SNCAIP: variants seen among roughly 807,000 people sequenced by gnomAD.
SNCAIP encodes the protein synphilin-1.
Under a neutral mutation model 86.7 loss-of-function variants are expected in SNCAIP, and 43 were observed. The ratio of observed to expected loss-of-function variants is 0.50; its 90% CI spans 0.39 to 0.64. The LOEUF (loss-of-function observed/expected upper bound fraction) is 0.64, where lower values mean the gene tolerates loss of function less well. Ranked by LOEUF, SNCAIP falls within the 30% of genes least tolerant of loss-of-function variation. SNCAIP has a pLI of 0.00. For missense variants in SNCAIP, 981 were observed against 1,103.1 expected, an observed-to-expected ratio of 0.89 and a Z score of 1.57; for synonymous variants, 417 against 427.2, an observed-to-expected ratio of 0.98 and a Z score of 0.29.
chr5:122,457,163 C>T (rs1243467194), intron 10 of SNCAIP, among the ~76,000 whole-genome samples: 2 of 151,942 alleles, frequency 1.3e-5, no homozygotes, highest in African/African-American at 4.8e-5. Flanking sequence ...CACTACCACC[C>T]AGCTAATTTT....
chr5:122,437,582 A>G (rs183049248), intron 6 of SNCAIP, among the ~76,000 whole-genome samples: 17 of 152,340 alleles, frequency 1.1e-4, no homozygotes, highest in Admixed American at 5.2e-4. Flanking sequence ...TCCAACATAA[A>G]ACCCAAGACT....
intron 1 of SNCAIP, chr5:122,389,916 AT>A (rs1364282906): frequency 6.6e-6 from 1 of 152,138 alleles, no homozygotes; most frequent in Non-Finnish European, 1.5e-5. Flanking sequence ...TAATTATACC[AT>A]TTGCAGAGCT....
At chr5:122,421,850 A>G (rs897149390) in intron 3 of SNCAIP, among the ~76,000 whole-genome samples, 1 of 152,034 alleles carries the variant, frequency 6.6e-6, no homozygotes, top group Non-Finnish European at 1.5e-5. Context: ...TGCTTGCCTC[A>G]AGAGAAGGCA....
chr5:122,451,958 G>T (rs1055961610), intron 10 of SNCAIP, among the ~76,000 whole-genome samples: 1 of 152,206 alleles, frequency 6.6e-6, no homozygotes, highest in Non-Finnish European at 1.5e-5. Flanking sequence ...TCCTGCATTG[G>T]CATTGATTCT....
chr5:122,444,556 C>A lies in SNCAIP; in HGVS notation c.1423-7C>A, dbSNP rs746947695. 1 of 1,613,490 alleles carries A rather than the reference C, an allele frequency of 6.2e-7. No individual in the cohort carries two copies. The highest frequency in any genetic ancestry group is 2.2e-5 in the East Asian group (1 of 44,876). ...TCCTGATACACATGTCCTTCATTTTCTGACAGACCTTGGTTGAATATGGAG... is the reference window on the plus strand; with the variant it reads ...TCCTGATACACATGTCCTTCATTTTATGACAGACCTTGGTTGAATATGGAG... On this transcript the variant is annotated splice_polypyrimidine_tract_variant and splice_region_variant and intron_variant, in intron 7 of 10. Coordinates refer to ENST00000261368, the MANE Select transcript of SNCAIP (RefSeq NM_005460.4).
intron 3 of SNCAIP, among the ~76,000 whole-genome samples, chr5:122,420,887 T>A (rs1485380826): frequency 6.6e-6 from 1 of 152,248 alleles, no homozygotes; most frequent in Non-Finnish European, 1.5e-5. Flanking sequence ...CAAATTGATC[T>A]CTTACTGGTG....
intron 1 of SNCAIP, among the ~76,000 whole-genome samples, chr5:122,316,684 C>G (rs1490864106): frequency 6.6e-6 from 1 of 152,162 alleles, no homozygotes; most frequent in Non-Finnish European, 1.5e-5. Flanking sequence ...CATCCAGACT[C>G]CTTCATTAAC....
At chr5:122,452,755 G>A (rs1036394583) in intron 10 of SNCAIP, among the ~76,000 whole-genome samples, 9 of 152,130 alleles carry the variant, frequency 5.9e-5, no homozygotes, top group African/African-American at 2.2e-4. Flanking sequence ...GGGTTCTGCT[G>A]CTCAGTAGTA....
At chr5:122,373,750 C>A (rs538702948) in intron 1 of SNCAIP, among the ~76,000 whole-genome samples, 1 of 152,290 alleles carries the variant, frequency 6.6e-6, no homozygotes, top group Admixed American at 6.5e-5. Flanking sequence ...CTGCAAAGTT[C>A]TGTGCTTTAC....
chr5:122,377,838 T>C (rs1333593076), intron 1 of SNCAIP, among the ~76,000 whole-genome samples: 1 of 151,284 alleles, frequency 6.6e-6, no homozygotes, highest in Non-Finnish European at 1.5e-5. Flanking sequence ...TGATTTCCAA[T>C]TTCATCCATG....
intron 1 of SNCAIP, among the ~76,000 whole-genome samples, chr5:122,344,028 G>A (rs916267003): frequency 1.3e-5 from 2 of 152,030 alleles, no homozygotes; most frequent in East Asian, 3.9e-4. Context: ...CACGGCTACT[G>A]TATTCAAAAA....
chr5:122,453,353 G>A (rs1052261393), intron 10 of SNCAIP, among the ~76,000 whole-genome samples: 1 of 152,176 alleles, frequency 6.6e-6, no homozygotes, highest in African/African-American at 2.4e-5. Flanking sequence ...GTCAGCCTCC[G>A]ATCAGAACTA....
At chr5:122,333,401 G>T (rs560334125) in intron 1 of SNCAIP, among the ~76,000 whole-genome samples, 3 of 152,162 alleles carry the variant, frequency 2.0e-5, no homozygotes, top group African/African-American at 7.2e-5. Flanking sequence ...ATTGACTTCC[G>T]CTAGGTTTTA....
chr5:122,362,520 C>T (rs17149096), intron 1 of SNCAIP, among the ~76,000 whole-genome samples: 6,536 of 152,110 alleles, frequency 0.043, 505 homozygotes, highest in African/African-American at 0.15. Context: ...GCAGTATTGA[C>T]GTGAAGAGAA....
intron 1 of SNCAIP, 137 bp downstream of exon 1, chr5:122,312,421 GC>G (rs1478177808): frequency 3.3e-5 from 5 of 152,290 alleles, no homozygotes; most frequent in African/African-American, 1.2e-4. Context: ...CCTTTGTGCC[GC>G]GAGTCTCGGC....
At chr5:122,425,766 A>G (rs2242223) in intron 5 of SNCAIP, among the ~76,000 whole-genome samples, 34,004 of 152,190 alleles carry the variant, frequency 0.22, 4,373 homozygotes, top group South Asian at 0.32. Context: ...GATATGTTGT[A>G]GTTCTAACAA....
chr5:122,340,117 T>C (rs1757266017), intron 1 of SNCAIP, among the ~76,000 whole-genome samples: 1 of 152,214 alleles, frequency 6.6e-6, no homozygotes, highest in Admixed American at 6.5e-5. Flanking sequence ...TAAGACATTA[T>C]ACAAAACCGA....
chr5:122,429,845 A>G (rs1314637946), intron 5 of SNCAIP, among the ~76,000 whole-genome samples: 1 of 152,164 alleles, frequency 6.6e-6, no homozygotes, highest in East Asian at 1.9e-4. Flanking sequence ...GAGTGGTTAT[A>G]AGAACTTGAG....
chr5:122,334,665 G>A (rs527262677), intron 1 of SNCAIP, among the ~76,000 whole-genome samples: 21 of 152,234 alleles, frequency 1.4e-4, no homozygotes, highest in Non-Finnish European at 2.9e-4. Context: ...AGCCTAGACT[G>A]GGAACTGTGG....
Sources: allele counts gnomAD v4.1 joint callset (sites outside exome capture counted in the v4.1 genomes callset), GRCh38; gene constraint gnomAD v4.1.1; transcripts MANE v1.5; gene names NCBI Gene and HGNC (gene_info 2026-07-23, HGNC 2026-07-21).